PTPRG: variants seen among roughly 807,000 people sequenced by gnomAD.
The protein encoded by PTPRG is receptor-type tyrosine-protein phosphatase gamma.
PTPRG carries 102 observed loss-of-function variants against 165.3 expected under a neutral mutation model. That is an observed-to-expected ratio of 0.62 (90% CI 0.53 to 0.73). PTPRG has a LOEUF of 0.73. Ranked by LOEUF, PTPRG falls within the 30% of genes least tolerant of loss-of-function variation. The probability of loss-of-function intolerance (pLI) is 0.00; values close to 1 mark genes in which losing one functional copy is unlikely to be tolerated. For synonymous variants in PTPRG, 675 were observed against 669.5 expected (o/e 1.01, Z -0.13); for missense variants, 1,866 against 1,861.4 (o/e 1.00, Z -0.05).
At chr3:62,101,264 C>T (rs575880555) in intron 5 of PTPRG, among the ~76,000 whole-genome samples, 7 of 152,202 alleles carry the variant, frequency 4.6e-5, no homozygotes, top group Admixed American at 3.3e-4. Flanking sequence ...TATTGCATCA[C>T]GAGATGCAGC....
chr3:61,888,498 T>G (rs534559630), intron 2 of PTPRG, among the ~76,000 whole-genome samples: 1 of 152,162 alleles, frequency 6.6e-6, no homozygotes, highest in African/African-American at 2.4e-5. Context: ...GCGCGGCTAA[T>G]TTTTTTGTAT....
Position 61,726,283 on chromosome 3 carries a change from A to C in PTPRG, c.86-22595A>C, listed in dbSNP as rs573859414. Among the ~76,000 whole-genome samples, 5 of 152,172 alleles carry C rather than the reference A, an allele frequency of 3.3e-5. No individual in the cohort carries two copies. In the South Asian group the frequency reaches 1.0e-3, roughly 32 times the overall value. The stretch of plus-strand genomic sequence containing the variant: ...TGTCTGCTTGTTTACCATCTCTTTC[A>C]AGCGAAAGGGTCTTTTGATTTATGA... On this transcript the variant is annotated intron_variant, in intron 1 of 29. Transcript: ENST00000474889.
Position 62,195,573 on chromosome 3 carries a change from C to T in PTPRG, c.1327+403C>T, listed in dbSNP as rs1312213219. 6.6e-6 allele frequency among the ~76,000 whole-genome samples: 1 copy of T among 152,092 alleles called. No homozygotes were observed. The highest frequency in any genetic ancestry group is 1.5e-5 in the Non-Finnish European group (1 of 68,028). ...AAACTGCAGCCCATAGCAGCTACACCTCACCCTTCCGACTTGCAAGCCACA... is the reference window on the plus strand; with the variant it reads ...AAACTGCAGCCCATAGCAGCTACACTTCACCCTTCCGACTTGCAAGCCACA... On this transcript the variant is annotated intron_variant, in intron 10 of 29. Coordinates refer to ENST00000474889, the MANE Select transcript of PTPRG (RefSeq NM_002841.4). This position sits in a 1 kb window ranked among gnomAD's most constrained non-coding sequence, Gnocchi z 4.4.
At chr3:61,606,407 C>T (rs184171048) in intron 1 of PTPRG, among the ~76,000 whole-genome samples, 9 of 152,202 alleles carry the variant, frequency 5.9e-5, no homozygotes, top group African/African-American at 9.7e-5. Flanking sequence ...CTGATTAGGT[C>T]AGGCCCACTT....
At chr3:61,890,731 C>G (rs2038191301) in intron 2 of PTPRG, among the ~76,000 whole-genome samples, 2 of 152,152 alleles carry the variant, frequency 1.3e-5, no homozygotes, top group Non-Finnish European at 2.9e-5. Flanking sequence ...GAGCCCTACT[C>G]CAGCCTTCAG....
intron 1 of PTPRG, among the ~76,000 whole-genome samples, chr3:61,725,324 G>T (rs2032211734): frequency 6.6e-6 from 1 of 151,996 alleles, no homozygotes; most frequent in Non-Finnish European, 1.5e-5. Context: ...CACCATGTTG[G>T]CCAGGCTGAT....
intron 1 of PTPRG, among the ~76,000 whole-genome samples, chr3:61,745,361 TTGA>T (rs1199757439): frequency 6.6e-6 from 1 of 152,182 alleles, no homozygotes; most frequent in Non-Finnish European, 1.5e-5. Flanking sequence ...TCCCTCACTG[TTGA>T]TGAACACACA....
chr3:62,016,522 C>A (rs1559748087), intron 4 of PTPRG, among the ~76,000 whole-genome samples: 1 of 152,088 alleles, frequency 6.6e-6, no homozygotes, highest in Non-Finnish European at 1.5e-5. Flanking sequence ...GCAACAGATC[C>A]CCAATCCATC....
intron 2 of PTPRG, among the ~76,000 whole-genome samples, chr3:61,802,992 T>A (rs891329868): frequency 6.6e-6 from 1 of 152,218 alleles, no homozygotes; most frequent in African/African-American, 2.4e-5. Flanking sequence ...GTAGGCAAAC[T>A]AGGGCACACA....
rs116478496 is a variant in PTPRG, at chr3:61,749,537, T to G, written c.190+555T>G. The G allele has an allele frequency of 2.7e-3, 489 of 182,184 alleles. 2 individuals are homozygous for G. Among genetic ancestry groups the G allele is most frequent in the African/African-American group, 0.011 (475 of 41,696 alleles). The allele number at this position is 182,184 out of a possible 1,614,324, so 11.3% of individuals were successfully genotyped here. A position where few individuals can be genotyped will look rare whatever the true frequency, so the allele number is the denominator to read the frequency against. On this transcript the variant is annotated intron_variant, in intron 2 of 29. Transcript: ENST00000474889. ...TTTGAGCTAATGAAGGGAGAGAGCA[T>G]TGTTCTAACTATGTTGAATGTTACA...
chr3:61,703,926 A>G (rs2106717085), intron 1 of PTPRG, among the ~76,000 whole-genome samples: 1 of 152,340 alleles, frequency 6.6e-6, no homozygotes, highest in Non-Finnish European at 1.5e-5. Context: ...TCTACCTGCA[A>G]CAAAAGTGAG....
chr3:61,870,440 G>T (rs150007410), intron 2 of PTPRG, among the ~76,000 whole-genome samples: 1,294 of 126,308 alleles, frequency 0.01, 24 homozygotes, highest in African/African-American at 0.037. Flanking sequence ...AGCCTCCCGA[G>T]TAGCTGGGAC....
Position 62,219,096 on chromosome 3 carries a change from T to C in PTPRG, c.2288+113T>C. On this transcript the variant is annotated intron_variant, in intron 13 of 29. Coordinates refer to ENST00000474889, the MANE Select transcript of PTPRG (RefSeq NM_002841.4). This position sits in a 1 kb window ranked among gnomAD's most constrained non-coding sequence, Gnocchi z 4.5. The stretch of plus-strand genomic sequence containing the variant: ...ATTCAGGAAGGTGAGGTAGCTTAAG[T>C]GTTTCTGGTCTTGCCACCCGGAAGG... The C allele has an allele frequency of 1.4e-6, 2 of 1,419,922 alleles. No homozygotes were observed. Among genetic ancestry groups the C allele is most frequent in the Non-Finnish European group, 1.9e-6 (2 of 1,048,296 alleles). 88.0% of individuals were successfully genotyped at this position (1,419,922 alleles called of 1,614,324 possible).
chr3:61,843,836 C>G (rs1050095159), intron 2 of PTPRG, among the ~76,000 whole-genome samples: 1 of 149,948 alleles, frequency 6.7e-6, no homozygotes, highest in Non-Finnish European at 1.5e-5. Context: ...AAAAAAAAAA[C>G]AAAAAACCCA....
intron 8 of PTPRG, among the ~76,000 whole-genome samples, chr3:62,177,827 C>T (rs1705482667): frequency 6.6e-6 from 1 of 152,166 alleles, no homozygotes. Flanking sequence ...CCACTTGTTT[C>T]AGGGCACCAG....
chr3:61,956,842 C>A (rs1364296266), intron 2 of PTPRG, among the ~76,000 whole-genome samples: 1 of 152,136 alleles, frequency 6.6e-6, no homozygotes, highest in African/African-American at 2.4e-5. Context: ...AGCTATTTCC[C>A]TCTTTATCCT....
intron 2 of PTPRG, among the ~76,000 whole-genome samples, chr3:61,807,016 T>A (rs1209613018): frequency 6.6e-6 from 1 of 152,192 alleles, no homozygotes; most frequent in Non-Finnish European, 1.5e-5. Flanking sequence ...ATTTAAAAAT[T>A]CTTCATTTTC....
intron 4 of PTPRG, among the ~76,000 whole-genome samples, chr3:62,015,169 T>C (rs2041511525): frequency 6.6e-6 from 1 of 152,220 alleles, no homozygotes; most frequent in African/African-American, 2.4e-5. Flanking sequence ...TGTTTATTCA[T>C]TTGGTTCATT....
intron 2 of PTPRG, chr3:61,750,214 C>A (rs1027755790): frequency 2.6e-5 from 4 of 152,194 alleles, no homozygotes; most frequent in African/African-American, 9.6e-5. Flanking sequence ...ATATATATAG[C>A]ATCTTGCCAA....
Sources: gnomAD v4.1 joint callset for allele counts (sites outside exome capture counted in the v4.1 genomes callset) on GRCh38, gnomAD v4.1.1 for gene constraint, Gnocchi (gnomAD v3.1) non-coding constraint, MANE v1.5 for transcripts, NCBI Gene and HGNC (gene_info 2026-07-23, HGNC 2026-07-21) for gene names.